The following GPC6 variants were observed in gnomAD, a reference collection of about 807,000 sequenced individuals.
GPC6 encodes glypican-6.
In GPC6, 14 loss-of-function variants were observed where a neutral mutation model predicts 55.2. The observed-to-expected ratio is 0.25, with a 90% CI of 0.17 to 0.40. The LOEUF is 0.40. Ranked by LOEUF, GPC6 falls within the 10% of genes least tolerant of loss-of-function variation. GPC6 has a pLI of 1.00. For missense variants in GPC6, 641 were observed against 708.5 expected, an observed-to-expected ratio of 0.90 and a Z score of 1.08; for synonymous variants, 278 against 259.6, an observed-to-expected ratio of 1.07 and a Z score of -0.68.
At chr13:94,176,585 G>C (rs987642272) in intron 4 of GPC6, among the ~76,000 whole-genome samples, 1 of 152,114 alleles carries the variant, frequency 6.6e-6, no homozygotes, top group African/African-American at 2.4e-5. Flanking sequence ...CATGAACCTC[G>C]TTTTTAAATG....
At chr13:94,248,145 T>G (rs966163949) in intron 4 of GPC6, among the ~76,000 whole-genome samples, 2 of 152,132 alleles carry the variant, frequency 1.3e-5, no homozygotes, top group African/African-American at 4.8e-5. Flanking sequence ...ATTATTAGGA[T>G]CATAGTTGTA....
At chr13:93,941,680 T>A (rs888485312) in intron 3 of GPC6, among the ~76,000 whole-genome samples, 17 of 152,196 alleles carry the variant, frequency 1.1e-4, no homozygotes, top group African/African-American at 4.1e-4. Context: ...TTTGACTGTC[T>A]TTAGAGAAAG....
chr13:93,939,070 C>A (rs1322340428), intron 3 of GPC6, among the ~76,000 whole-genome samples: 5 of 151,882 alleles, frequency 3.3e-5, no homozygotes, highest in African/African-American at 1.2e-4. Flanking sequence ...CCACTGCACT[C>A]TGGCCTGCTG....
intron 1 of GPC6, among the ~76,000 whole-genome samples, chr13:93,467,575 C>CTTTTTTTTTTTTTTTTTTTTTTTTTTT (rs11426472): frequency 4.1e-5 from 3 of 74,020 alleles, no homozygotes; most frequent in Non-Finnish European, 7.2e-5. Flanking sequence ...AGCTGTGATT[C>CTTTTTTTTTTTTTTTTTTTTTTTTTTT]TTTTTTTTTT....
At chr13:94,133,169 T>C (rs1887059605) in intron 4 of GPC6, among the ~76,000 whole-genome samples, 1 of 142,252 alleles carries the variant, frequency 7.0e-6, no homozygotes, top group African/African-American at 2.6e-5. Context: ...AGAAAAAAGA[T>C]AGAAACAAGA....
chr13:94,093,601 A>G (rs530166713), intron 4 of GPC6, among the ~76,000 whole-genome samples: 4 of 152,194 alleles, frequency 2.6e-5, no homozygotes, highest in South Asian at 2.1e-4. Flanking sequence ...GTGTTTTCAT[A>G]TAAATTTTAG....
the GPC6 span, among the ~76,000 whole-genome samples, chr13:93,219,326 T>C: frequency 1.3e-5 from 2 of 152,178 alleles, no homozygotes; most frequent in African/African-American, 4.8e-5. Flanking sequence ...ACTCCTGATC[T>C]CATGATCCAC....
At chr13:94,336,533 C>T (rs897505936) in intron 6 of GPC6, among the ~76,000 whole-genome samples, 1 of 152,078 alleles carries the variant, frequency 6.6e-6, no homozygotes, top group African/African-American at 2.4e-5. Flanking sequence ...CACTGGATTG[C>T]GCTGTAAAAT....
At chr13:94,076,880 G>A (rs947884752) in intron 4 of GPC6, among the ~76,000 whole-genome samples, 2 of 150,052 alleles carry the variant, frequency 1.3e-5, no homozygotes, top group Non-Finnish European at 3.0e-5. Flanking sequence ...AATTACTGTA[G>A]CTTTCTAATA....
chr13:93,945,322 C>A (rs1878953254), intron 3 of GPC6, among the ~76,000 whole-genome samples: 3 of 152,092 alleles, frequency 2.0e-5, no homozygotes, highest in Admixed American at 6.5e-5. Context: ...TTTTACCCAA[C>A]TGAGAATAAG....
chr13:93,453,992 G>A lies in GPC6; in HGVS notation c.161-91271G>A, dbSNP rs140723036. Reference sequence around the variant, plus strand: ...GAGCGGAGTGGTCTGTTTTGACAGGGCGCTGATTGGTGCATTTACAATCCC... The same window carrying A: ...GAGCGGAGTGGTCTGTTTTGACAGGACGCTGATTGGTGCATTTACAATCCC... On this transcript the variant is annotated intron_variant, in intron 1 of 8. Coordinates refer to ENST00000377047, the MANE Select transcript of GPC6 (RefSeq NM_005708.5). 1.0e-3 allele frequency among the ~76,000 whole-genome samples: 155 copies of A among 152,252 alleles called. 3 individuals carry two copies. The East Asian group carries it at 0.029, about 29-fold the overall frequency.
chr13:93,840,886 C>CT (rs763604983), intron 3 of GPC6, among the ~76,000 whole-genome samples: 6 of 152,176 alleles, frequency 3.9e-5, no homozygotes, highest in Admixed American at 6.6e-5. Flanking sequence ...GAGAATGCTG[C>CT]TTGTAAAACA....
chr13:94,096,760 T>C (rs1049294573), intron 4 of GPC6, among the ~76,000 whole-genome samples: 1 of 152,224 alleles, frequency 6.6e-6, no homozygotes, highest in Non-Finnish European at 1.5e-5. Flanking sequence ...TATATAGCCA[T>C]GTCTCTAGTT....
chr13:93,766,263 T>G (rs1885128555), intron 2 of GPC6, among the ~76,000 whole-genome samples: 1 of 152,190 alleles, frequency 6.6e-6, no homozygotes, highest in African/African-American at 2.4e-5. Context: ...AGATGTCTCC[T>G]GAATCCTTGG....
At chr13:93,837,066 T>C (rs1240105588) in intron 3 of GPC6, among the ~76,000 whole-genome samples, 1 of 152,186 alleles carries the variant, frequency 6.6e-6, no homozygotes, top group Non-Finnish European at 1.5e-5. Context: ...ATAGCCTAGG[T>C]ATGTAAATAT....
chr13:94,150,316 C>A (rs929237025), intron 4 of GPC6, among the ~76,000 whole-genome samples: 4 of 152,056 alleles, frequency 2.6e-5, no homozygotes, highest in African/African-American at 7.2e-5. Context: ...ATATCCTTTT[C>A]CCCCCTTGTC....
At chr13:94,217,147 A>G (rs926281602) in intron 4 of GPC6, among the ~76,000 whole-genome samples, 2 of 152,192 alleles carry the variant, frequency 1.3e-5, no homozygotes, top group Non-Finnish European at 2.9e-5. Context: ...GAATGCAGTG[A>G]TCCACACTTT....
At chr13:94,365,170 C>T (rs929044629) in intron 6 of GPC6, among the ~76,000 whole-genome samples, 26 of 152,152 alleles carry the variant, frequency 1.7e-4, no homozygotes, top group African/African-American at 4.3e-4. Flanking sequence ...TAAAACCAAA[C>T]GGATCTCTGT....
At chr13:93,752,448 A>T (rs956314398) in intron 2 of GPC6, among the ~76,000 whole-genome samples, 1 of 152,058 alleles carries the variant, frequency 6.6e-6, no homozygotes, top group Non-Finnish European at 1.5e-5. Context: ...ACATTAAAAA[A>T]AAAAAAGAAA....
Sources: allele counts gnomAD v4.1 joint callset (sites outside exome capture counted in the v4.1 genomes callset), GRCh38; gene constraint gnomAD v4.1.1; transcripts MANE v1.5; gene names NCBI Gene and HGNC (gene_info 2026-07-23, HGNC 2026-07-21).